WNT5A: variants seen among roughly 807,000 people sequenced by gnomAD.
The protein encoded by WNT5A is protein Wnt-5a.
Under a neutral mutation model 42.1 loss-of-function variants are expected in WNT5A, and 9 were observed. The observed-to-expected ratio is 0.21, with a 90% CI of 0.13 to 0.37. The LOEUF (loss-of-function observed/expected upper bound fraction) is 0.37. Ranked by LOEUF, WNT5A falls within the 10% of genes least tolerant of loss-of-function variation. The probability of loss-of-function intolerance (pLI) is 1.00; values close to 1 mark genes in which losing one functional copy is unlikely to be tolerated. For synonymous variants in WNT5A, 210 were observed against 210.0 expected (o/e 1.00, Z 0.00); for missense variants, 426 against 534.0 (o/e 0.80, Z 1.99).
At position 55,487,256 on chromosome 3, in the gene WNT5A, G is replaced by A. The variant is rs2051596528; in HGVS notation, c.-271C>T. On this transcript the variant is annotated 5_prime_UTR_variant, in exon 1 of 5. Transcript: ENST00000264634. ...CCGGCAGCAAGGGCAGGGCCTGGTC[G>A]GGGCGCAACTAGGGAGCCGCCGGTC... 1.1e-5 allele frequency: 5 copies of A among 469,968 alleles called. No homozygotes were observed. In the East Asian group the frequency reaches 1.8e-4, roughly 17 times the overall value. 29.1% of individuals were successfully genotyped at this position (469,968 alleles called of 1,614,324 possible).
chr3:55,474,475 G>A lies in WNT5A; in HGVS notation c.546C>T (p.Cys182=), dbSNP rs367749383. ...DLPRDWLWGG[C]GDNIDYGYRF... is the part of the protein sequence containing the mutation. The stretch of plus-strand genomic sequence containing the variant: ...GGTAGCCATAGTCGATGTTGTCGCC[G>A]CAGCCGCCCCAGAGCCAGTCCCGCG... The change falls in exon 4 of 5, where the codon TGC becomes TGT. Residue 182 remains cysteine, a synonymous_variant. Coordinates refer to ENST00000264634, the MANE Select transcript of WNT5A (RefSeq NM_003392.7). 2.5e-6 allele frequency: 4 copies of A among 1,601,500 alleles called. No homozygotes were observed. Among genetic ancestry groups the A allele is most frequent in the Non-Finnish European group, 2.6e-6 (3 of 1,175,370 alleles).
upstream of WNT5A, among the ~76,000 whole-genome samples, chr3:55,491,325 G>C (rs568810433): frequency 6.6e-6 from 1 of 152,108 alleles, no homozygotes. Context: ...GTTCATGTTC[G>C]ACAGACCTCC....
chr3:55,489,953 C>G (rs1298375144), upstream of WNT5A: 2 of 152,320 alleles, frequency 1.3e-5, no homozygotes, highest in African/African-American at 4.8e-5. Flanking sequence ...ACTGAGATTC[C>G]CTGGCTGCGG....
In WNT5A at chr3:55,470,503, G is replaced by A. The variant is rs754292749; in HGVS notation, c.732C>T (p.Ser244=). 22 of 1,597,100 alleles carry A rather than the reference G, an allele frequency of 1.4e-5. No homozygotes were observed. The highest frequency in any genetic ancestry group is 9.0e-5 in the East Asian group (4 of 44,306). ...AGCATGTCTTCAGGCTACATGAGCC[G>A]GACACCCCATGGCACTTGCAGGCCA... is the stretch of plus-strand genomic sequence containing the variant. ...ADVACKCHGV[S]GSCSLKTCWL... Residue 244 remains serine (S), a synonymous_variant, in exon 5 of 5, where the codon TCC becomes TCT. Transcript: ENST00000264634.
chr3:55,503,628 A>C, the WNT5A span, among the ~76,000 whole-genome samples: 1 of 152,204 alleles, frequency 6.6e-6, no homozygotes, highest in Non-Finnish European at 1.5e-5. Flanking sequence ...ACAGGCTTGC[A>C]GGGCTCCAAG....
chr3:55,465,907 T>C lies in WNT5A; in HGVS notation c.*4185A>G, dbSNP rs574547260. The C allele has an allele frequency of 1.3e-5, 2 of 152,176 alleles. No homozygotes were observed. Among genetic ancestry groups the C allele is most frequent in the Admixed American group, 1.3e-4 (2 of 15,288 alleles). 9.4% of individuals were successfully genotyped at this position (152,176 alleles called of 1,614,324 possible). A position where few individuals can be genotyped will look rare whatever the true frequency, so the allele number is the denominator to read the frequency against. ...ATTCAATATTCTAGGTTCAAACTGA[T>C]ACATTAAAAAAAAATCATACCAACC... On this transcript the variant is annotated 3_prime_UTR_variant, in exon 5 of 5. Coordinates refer to ENST00000264634, the MANE Select transcript of WNT5A (RefSeq NM_003392.7).
chr3:55,485,818 A>G (rs1413967153), intron 1 of WNT5A, among the ~76,000 whole-genome samples: 1 of 152,122 alleles, frequency 6.6e-6, no homozygotes, highest in Non-Finnish European at 1.5e-5. Flanking sequence ...AAAGTCAAAC[A>G]GGGCCGTGGG....
chr3:55,499,980 CA>C, the WNT5A span, among the ~76,000 whole-genome samples: 2,310 of 140,872 alleles, frequency 0.016, 66 homozygotes, highest in African/African-American at 0.049. Flanking sequence ...ATCCCCCCTC[CA>C]AAAAAAAAAA....
At chr3:55,479,146 G>C in intron 3 of WNT5A, 168 bp downstream of exon 3, 1 of 633,992 alleles carries the variant, frequency 1.6e-6, no homozygotes, top group Non-Finnish European at 2.4e-6. Context: ...ATCAGGTGTA[G>C]GGACAGGAAT....
chr3:55,492,459 C>T (rs753820713), upstream of WNT5A, among the ~76,000 whole-genome samples: 1 of 152,182 alleles, frequency 6.6e-6, no homozygotes, highest in Middle Eastern at 3.2e-3. Flanking sequence ...CTTGGTCCAG[C>T]TCTGCCTATG....
rs768416012 is a variant in WNT5A at position 55,480,868 on chromosome 3, A to C, written c.57T>G (p.Ser19Arg). The change falls in exon 2 of 5, where the codon AGT becomes AGG. Residue 19 changes from serine to arginine, a missense_variant. By Grantham distance (110) the Ser-to-Arg change is moderately radical. Coordinates refer to ENST00000264634, the MANE Select transcript of WNT5A (RefSeq NM_003392.7). Reference protein sequence around the residue: ...SPGVALGMAGSAMSSKFFLVA... With the variant: ...SPGVALGMAGRAMSSKFFLVA... ...CTAGGAAGAACTTGGAAGACATTGC[A>C]CTTCCAGCCATCCCCAAAGCAACTC... is the stretch of plus-strand genomic sequence containing the variant. 2 of 1,589,606 alleles carry C rather than the reference A, an allele frequency of 1.3e-6. No individual in the cohort carries two copies. Among genetic ancestry groups the C allele is most frequent in the Non-Finnish European group, 1.7e-6 (2 of 1,166,654 alleles).
At position 55,479,511 on chromosome 3, in the gene WNT5A, G is replaced by T; in HGVS notation, c.194C>A (p.Ala65Glu). Residue 65 changes from alanine (A) to glutamate (E), a missense_variant, in exon 3 of 5, where the codon GCA (alanine) becomes GAA (glutamate). Physicochemically the swap from Ala to Glu is moderately radical, Grantham distance 107. Coordinates refer to ENST00000264634, the MANE Select transcript of WNT5A (RefSeq NM_003392.7). ...VQMSEVYIIG[A>E]QPLCSQLAGL... ...TGCCAGTTGGCTGCAGAGAGGCTGTGCTCCTATAATATATACTTCTGACAT... is the reference window on the plus strand; with the variant it reads ...TGCCAGTTGGCTGCAGAGAGGCTGTTCTCCTATAATATATACTTCTGACAT... 1 of 1,613,862 alleles carries T rather than the reference G, an allele frequency of 6.2e-7. No homozygotes were observed. The highest frequency in any genetic ancestry group is 8.5e-7 in the Non-Finnish European group (1 of 1,179,798).
In WNT5A at chr3:55,466,237, C is replaced by G. The variant is rs551719089; in HGVS notation, c.*3855G>C. The G allele has an allele frequency of 6.6e-6, 1 of 152,132 alleles. No homozygotes were observed. Among genetic ancestry groups the G allele is most frequent in the South Asian group, 2.1e-4 (1 of 4,802 alleles). 9.4% of individuals were successfully genotyped at this position (152,132 alleles called of 1,614,324 possible). A position where few individuals can be genotyped will look rare whatever the true frequency, so the allele number is the denominator to read the frequency against. ...ACAGTGACAATGTAGTATTTTAGACCTGTGCCTTCGTGCCTATTTGCATTA... is the reference window on the plus strand; with the variant it reads ...ACAGTGACAATGTAGTATTTTAGACGTGTGCCTTCGTGCCTATTTGCATTA... On this transcript the variant is annotated 3_prime_UTR_variant, in exon 5 of 5. Coordinates refer to ENST00000264634, the MANE Select transcript of WNT5A (RefSeq NM_003392.7).
intron 1 of WNT5A, among the ~76,000 whole-genome samples, chr3:55,484,347 G>A (rs1243608050): frequency 6.6e-6 from 1 of 152,182 alleles, no homozygotes; most frequent in African/African-American, 2.4e-5. Flanking sequence ...AGAATGGGCC[G>A]GCCCAGGCGG....
chr3:55,481,007 CTTAAGT>C (rs1213643917), intron 1 of WNT5A, 89 bp from the exon 2 acceptor site: 3 of 1,265,662 alleles, frequency 2.4e-6, no homozygotes, highest in Non-Finnish European at 3.1e-6. Flanking sequence ...TCCGGGGTCT[CTTAAGT>C]TTACTGTTGA....
In WNT5A at chr3:55,470,161, C is replaced by T; in HGVS notation, c.1074G>A (p.Lys358=). 1.9e-6 allele frequency: 3 copies of T among 1,614,166 alleles called. No individual in the cohort carries two copies. Among genetic ancestry groups the T allele is most frequent in the Non-Finnish European group, 1.7e-6 (2 of 1,179,992 alleles). The part of the protein sequence containing the change: ...KTVQTERCHC[K]FHWCCYVKCK... Reference sequence around the variant, plus strand: ...ACTTGACGTAGCAGCACCAGTGGAACTTGCAGTGGCAGCGCTCCGTCTGCA... The same window carrying T: ...ACTTGACGTAGCAGCACCAGTGGAATTTGCAGTGGCAGCGCTCCGTCTGCA... The change falls in exon 5 of 5, where the codon AAG becomes AAA. Residue 358 remains lysine, a synonymous_variant. Coordinates refer to ENST00000264634, the MANE Select transcript of WNT5A (RefSeq NM_003392.7).
upstream of WNT5A, chr3:55,494,001 C>T (rs987685652): frequency 1.8e-4 from 28 of 152,218 alleles, no homozygotes; most frequent in African/African-American, 6.0e-4. Context: ...AGTCCTGTGA[C>T]ACAGCTCAGC....
chr3:55,499,971 TC>T, the WNT5A span, among the ~76,000 whole-genome samples: 2 of 84,810 alleles, frequency 2.4e-5, no homozygotes, highest in African/African-American at 1.3e-4. Flanking sequence ...CGAGACTCCA[TC>T]CCCCCTCCAA....
chr3:55,498,258 A>G, the WNT5A span, among the ~76,000 whole-genome samples: 11 of 152,282 alleles, frequency 7.2e-5, no homozygotes, highest in East Asian at 2.1e-3. Context: ...CCATTCAGGG[A>G]CTTGATTTCC....
Sources: gnomAD v4.1 joint callset for allele counts (sites outside exome capture counted in the v4.1 genomes callset) on GRCh38, gnomAD v4.1.1 for gene constraint, MANE v1.5 for transcripts, NCBI Gene and HGNC (gene_info 2026-07-23, HGNC 2026-07-21) for gene names.